The following DENND1B variants were observed in gnomAD, a reference collection of about 807,000 sequenced individuals.
DENND1B encodes DENN domain-containing protein 1B.
DENND1B carries 59 observed loss-of-function variants against 90.1 expected under a neutral mutation model. The observed-to-expected ratio is 0.65, with a 90% CI of 0.53 to 0.81. The LOEUF (loss-of-function observed/expected upper bound fraction) is 0.81, where lower values mean the gene tolerates loss of function less well. Among genes scored for constraint, DENND1B ranks in the 40% least tolerant of loss-of-function variants. DENND1B has a pLI of 0.00. For missense variants in DENND1B, 862 were observed against 912.6 expected, an observed-to-expected ratio of 0.94 and a Z score of 0.71; for synonymous variants, 337 against 324.6, an observed-to-expected ratio of 1.04 and a Z score of -0.41.
intron 9 of DENND1B, among the ~76,000 whole-genome samples, chr1:197,644,054 G>A (rs940697847): frequency 1.3e-5 from 2 of 152,168 alleles, no homozygotes; most frequent in African/African-American, 2.4e-5. Flanking sequence ...AATCATGATA[G>A]AGCACATCAA....
chr1:197,704,968 A>G (rs968058047), intron 3 of DENND1B, among the ~76,000 whole-genome samples: 2 of 152,188 alleles, frequency 1.3e-5, no homozygotes, highest in African/African-American at 4.8e-5. Context: ...CTTAAGACTC[A>G]GTTCAGGTAT....
chr1:197,766,661 A>G (rs889945526), intron 2 of DENND1B, among the ~76,000 whole-genome samples: 1 of 152,182 alleles, frequency 6.6e-6, no homozygotes, highest in African/African-American at 2.4e-5. Flanking sequence ...ATGGACTTCT[A>G]TTTCTAATGC....
intron 20 of DENND1B, among the ~76,000 whole-genome samples, chr1:197,531,176 TACAC>T (rs1400174006): frequency 6.6e-6 from 1 of 152,218 alleles, no homozygotes; most frequent in African/African-American, 2.4e-5. Flanking sequence ...AATACAAACA[TACAC>T]AGACAGCCTC....
At chr1:197,674,493 T>C (rs778180971) in intron 3 of DENND1B, among the ~76,000 whole-genome samples, 2 of 152,152 alleles carry the variant, frequency 1.3e-5, no homozygotes, top group Non-Finnish European at 2.9e-5. Context: ...ATGGGTAAGC[T>C]ACGTCTGCTG....
At chr1:197,736,172 G>T in intron 2 of DENND1B, 1 of 536,004 alleles carries the variant, frequency 1.9e-6, no homozygotes, top group Non-Finnish European at 3.4e-6. Context: ...AATATAGGTT[G>T]GAATACTGCA....
chr1:197,619,808 G>T (rs1463652252), intron 10 of DENND1B, among the ~76,000 whole-genome samples: 1 of 151,136 alleles, frequency 6.6e-6, no homozygotes, highest in Non-Finnish European at 1.5e-5. Context: ...TTAGAGGATG[G>T]TTTCTGTAAT....
At chr1:197,753,370 G>A (rs1477827235) in intron 2 of DENND1B, among the ~76,000 whole-genome samples, 1 of 152,022 alleles carries the variant, frequency 6.6e-6, no homozygotes, top group African/African-American at 2.4e-5. Flanking sequence ...AAACTGTAGA[G>A]ACAGTAAAAA....
intron 3 of DENND1B, among the ~76,000 whole-genome samples, chr1:197,682,066 T>A (rs1395046313): frequency 6.6e-6 from 1 of 151,962 alleles, no homozygotes; most frequent in Non-Finnish European, 1.5e-5. Context: ...ATAAACCAGA[T>A]AGGACTCTTG....
chr1:197,512,017 T>TA, intron 21 of DENND1B, 73 bp from the exon 22 acceptor site: 1 of 1,108,470 alleles, frequency 9.0e-7, no homozygotes, highest in Non-Finnish European at 1.3e-6. Context: ...TCTCACCAGT[T>TA]ACATTACATT....
intron 6 of DENND1B, among the ~76,000 whole-genome samples, chr1:197,653,310 T>C (rs1158607191): frequency 6.6e-6 from 1 of 152,106 alleles, no homozygotes; most frequent in Admixed American, 6.5e-5. Context: ...CATATGGTTG[T>C]TTTAGAATTA....
intron 5 of DENND1B, among the ~76,000 whole-genome samples, chr1:197,660,564 T>C (rs1045203580): frequency 6.6e-6 from 1 of 152,052 alleles, no homozygotes; most frequent in Non-Finnish European, 1.5e-5. Flanking sequence ...GCACAAAGAA[T>C]GTTCCAAACC....
chr1:197,549,386 T>C (rs1307368060), intron 16 of DENND1B, among the ~76,000 whole-genome samples: 1 of 151,984 alleles, frequency 6.6e-6, no homozygotes, highest in Non-Finnish European at 1.5e-5. Context: ...TAAATAAGAA[T>C]GGAAAAATAA....
chr1:197,758,960 A>ATTTTTTTTTT (rs759108636), intron 2 of DENND1B, among the ~76,000 whole-genome samples: 169 of 97,826 alleles, frequency 1.7e-3, no homozygotes, highest in African/African-American at 5.6e-3. Context: ...TACTTCATTA[A>ATTTTTTTTTT]TTTTTTTTTT....
At chr1:197,648,783 A>G (rs376988028) in intron 7 of DENND1B, among the ~76,000 whole-genome samples, 1 of 152,000 alleles carries the variant, frequency 6.6e-6, no homozygotes. Context: ...CTTTCACTGG[A>G]TCTCCTTTCC....
chr1:197,664,786 A>G (rs1006121842), intron 5 of DENND1B, among the ~76,000 whole-genome samples: 2 of 152,076 alleles, frequency 1.3e-5, no homozygotes, highest in African/African-American at 4.8e-5. Context: ...TAAAATTGAA[A>G]CATTCTGCTT....
intron 2 of DENND1B, among the ~76,000 whole-genome samples, chr1:197,750,284 C>T (rs1358602848): frequency 2.6e-5 from 4 of 151,924 alleles, no homozygotes; most frequent in African/African-American, 9.7e-5. Context: ...GATATGATCA[C>T]AATAGATATG....
intron 10 of DENND1B, among the ~76,000 whole-genome samples, chr1:197,639,841 T>C (rs531740015): frequency 1.0e-3 from 157 of 152,216 alleles, no homozygotes; most frequent in Non-Finnish European, 1.9e-3. Context: ...TTATATACTG[T>C]ATATATAAAA....
At chr1:197,629,699 A>T (rs549009158) in intron 10 of DENND1B, among the ~76,000 whole-genome samples, 80 of 151,940 alleles carry the variant, frequency 5.3e-4, no homozygotes, top group African/African-American at 1.8e-3. Flanking sequence ...AAAATAAAAT[A>T]AAAAATGAAT....
chr1:197,549,228 A>T (rs950980143), intron 16 of DENND1B, among the ~76,000 whole-genome samples: 1 of 152,102 alleles, frequency 6.6e-6, no homozygotes, highest in Non-Finnish European at 1.5e-5. Flanking sequence ...TTTCTCCTCA[A>T]ATGTACTTGC....
Sources: gnomAD v4.1 joint callset for allele counts (sites outside exome capture counted in the v4.1 genomes callset) on GRCh38, gnomAD v4.1.1 for gene constraint, MANE v1.5 for transcripts, NCBI Gene and HGNC (gene_info 2026-07-23, HGNC 2026-07-21) for gene names.